The following KCNQ5 variants were observed in gnomAD, a reference collection of about 807,000 sequenced individuals.
KCNQ5 encodes potassium voltage-gated channel subfamily KQT member 5.
A neutral mutation model predicts 98.2 loss-of-function variants in KCNQ5; 30 were observed. That is an observed-to-expected ratio of 0.31 (90% CI 0.23 to 0.41). KCNQ5 has a LOEUF of 0.41. KCNQ5 is among the 10% of genes least tolerant of loss of function. KCNQ5 has a pLI of 1.00. For missense variants in KCNQ5, 835 were observed against 1,182.5 expected, an observed-to-expected ratio of 0.71 and a Z score of 4.31; for synonymous variants, 458 against 449.4, an observed-to-expected ratio of 1.02 and a Z score of -0.24.
At position 72,740,341 on chromosome 6, in the gene KCNQ5, T is replaced by C. The variant is rs979988615; in HGVS notation, c.398+117754T>C. Among the ~76,000 whole-genome samples the C allele has an allele frequency of 5.3e-5, 8 of 152,188 alleles. No homozygotes were observed. The South Asian group carries it at 1.0e-3, about 20-fold the overall frequency. The stretch of plus-strand genomic sequence containing the variant: ...AAGGGAGACCAAGTCTGAGTCATTT[T>C]GAGAAGAGAACGGAAACTCAGAGTG... On this transcript the variant is annotated intron_variant, in intron 1 of 13. Transcript: ENST00000370398.
intron 1 of KCNQ5, among the ~76,000 whole-genome samples, chr6:72,785,843 C>G (rs888514813): frequency 1.3e-5 from 2 of 152,098 alleles, no homozygotes; most frequent in Non-Finnish European, 2.9e-5. Context: ...GCACACATCA[C>G]AGAGTTACAT....
chr6:73,170,344 G>C (rs1190578077), intron 11 of KCNQ5, among the ~76,000 whole-genome samples: 2 of 151,614 alleles, frequency 1.3e-5, no homozygotes, highest in East Asian at 1.9e-4. Flanking sequence ...ATCTTAATTT[G>C]CTTCCTCTAC....
chr6:73,106,561 G>A (rs1775010185), intron 6 of KCNQ5, among the ~76,000 whole-genome samples: 1 of 152,112 alleles, frequency 6.6e-6, no homozygotes, highest in East Asian at 1.9e-4. Context: ...CTTATAGATG[G>A]CTCTTCTTCC....
At chr6:73,141,621 C>G (rs1018327591) in intron 10 of KCNQ5, among the ~76,000 whole-genome samples, 2 of 152,204 alleles carry the variant, frequency 1.3e-5, no homozygotes, top group Admixed American at 1.3e-4. Flanking sequence ...TGCTTGAGCT[C>G]TGAATGGATT....
rs1773580361 is a variant in KCNQ5, at chr6:73,077,338, C to T, written c.633C>T (p.Ile211=). The T allele has an allele frequency of 4.3e-6, 7 of 1,613,966 alleles. No individual in the cohort carries two copies. Among genetic ancestry groups the T allele is most frequent in the East Asian group, 2.2e-5 (1 of 44,870 alleles). ...PFCVIDTIVL[I]ASIAVVSAKT... ...TTCTTTCAGATACCATTGTTCTTAT[C>T]GCTTCAATAGCAGTTGTTTCTGCAA... is the stretch of plus-strand genomic sequence containing the variant. Residue 211 remains isoleucine, a synonymous_variant, in exon 4 of 14, where the codon ATC becomes ATT. Transcript: ENST00000370398.
At chr6:72,768,531 A>G (rs748322438) in intron 1 of KCNQ5, among the ~76,000 whole-genome samples, 6 of 152,050 alleles carry the variant, frequency 3.9e-5, no homozygotes, top group Non-Finnish European at 8.8e-5. Flanking sequence ...AGAGAAATTG[A>G]TGGTACAAAT....
At chr6:73,185,196 T>C (rs537750338) in intron 11 of KCNQ5, among the ~76,000 whole-genome samples, 8 of 152,326 alleles carry the variant, frequency 5.3e-5, no homozygotes, top group Admixed American at 5.2e-4. Flanking sequence ...GAGCTTTTTT[T>C]GAGACAAGGT....
chr6:73,146,343 C>T (rs1478046163), intron 10 of KCNQ5, among the ~76,000 whole-genome samples: 1 of 152,114 alleles, frequency 6.6e-6, no homozygotes, highest in Non-Finnish European at 1.5e-5. Flanking sequence ...AGCAATTCAT[C>T]ACCAGGCACA....
At chr6:72,960,915 C>G (rs894609124) in intron 1 of KCNQ5, among the ~76,000 whole-genome samples, 2 of 152,198 alleles carry the variant, frequency 1.3e-5, no homozygotes, top group Non-Finnish European at 2.9e-5. Context: ...GAATTCGAGG[C>G]TGCAGTGAGC....
chr6:72,637,294 A>G (rs561412935), intron 1 of KCNQ5, among the ~76,000 whole-genome samples: 1 of 152,052 alleles, frequency 6.6e-6, no homozygotes, highest in South Asian at 2.1e-4. Context: ...TATTTTCAGT[A>G]TACACTTTAA....
chr6:72,680,053 A>G (rs7743400), intron 1 of KCNQ5, among the ~76,000 whole-genome samples: 1,565 of 152,306 alleles, frequency 0.01, 30 homozygotes, highest in African/African-American at 0.035. Context: ...AAAAATAAAA[A>G]AAATTTTAAA....
At chr6:72,640,951 A>T (rs1195326997) in intron 1 of KCNQ5, 2 of 152,156 alleles carry the variant, frequency 1.3e-5, no homozygotes, top group Non-Finnish European at 2.9e-5. Flanking sequence ...TCCATGAAGA[A>T]TATTCTTTAA....
chr6:73,009,438 AAAG>A (rs1769962271), intron 2 of KCNQ5, among the ~76,000 whole-genome samples: 1 of 152,354 alleles, frequency 6.6e-6, no homozygotes, highest in East Asian at 1.9e-4. Context: ...TACATTAAAA[AAAG>A]AAATATCTCA....
chr6:73,007,219 T>C (rs1769853757), intron 2 of KCNQ5, among the ~76,000 whole-genome samples: 1 of 152,206 alleles, frequency 6.6e-6, no homozygotes, highest in Non-Finnish European at 1.5e-5. Context: ...TTCTTTTCAG[T>C]TGTGGGAACT....
At chr6:72,705,411 G>T (rs1405746829) in intron 1 of KCNQ5, among the ~76,000 whole-genome samples, 1 of 152,106 alleles carries the variant, frequency 6.6e-6, no homozygotes, top group African/African-American at 2.4e-5. Context: ...TGTTAGAATT[G>T]TCTCTATAGA....
chr6:73,008,794 C>G (rs1389819215), intron 2 of KCNQ5, among the ~76,000 whole-genome samples: 1 of 152,128 alleles, frequency 6.6e-6, no homozygotes, highest in East Asian at 1.9e-4. Flanking sequence ...TACCCAATAA[C>G]AATAACATAA....
chr6:73,016,697 A>T (rs189911842), intron 2 of KCNQ5, among the ~76,000 whole-genome samples: 41 of 152,206 alleles, frequency 2.7e-4, no homozygotes, highest in African/African-American at 9.9e-4. Context: ...TGAATAGCGA[A>T]AGGGCATGGA....
chr6:72,732,270 A>G (rs963836631), intron 1 of KCNQ5, among the ~76,000 whole-genome samples: 3 of 152,138 alleles, frequency 2.0e-5, no homozygotes, highest in African/African-American at 7.2e-5. Flanking sequence ...GAGGGACTAC[A>G]TATTACAGGA....
Position 73,160,483 on chromosome 6 carries a change from C to G in KCNQ5, c.1469-9263C>G, listed in dbSNP as rs527405948. 6.6e-5 allele frequency among the ~76,000 whole-genome samples: 10 copies of G among 152,304 alleles called. 1 individual carries two copies. The highest frequency in any genetic ancestry group is 2.4e-4 in the African/African-American group (10 of 41,566). Reference sequence around the variant, plus strand: ...AAGACAATGACTGGAATTCAGCAGGCTGAGGCCTTCAAGCTCAATTAAAGA... The same window carrying G: ...AAGACAATGACTGGAATTCAGCAGGGTGAGGCCTTCAAGCTCAATTAAAGA... On this transcript the variant is annotated intron_variant, in intron 10 of 13. Transcript: ENST00000370398.
Sources: gnomAD v4.1 joint callset for allele counts (sites outside exome capture counted in the v4.1 genomes callset) on GRCh38, gnomAD v4.1.1 for gene constraint, MANE v1.5 for transcripts, NCBI Gene and HGNC (gene_info 2026-07-23, HGNC 2026-07-21) for gene names.